The following N4BP2L2 variants were observed in gnomAD, a reference collection of about 807,000 sequenced individuals.
The protein encoded by N4BP2L2 is NEDD4-binding protein 2-like 2.
Under a neutral mutation model 56.2 loss-of-function variants are expected in N4BP2L2, and 50 were observed. The ratio of observed to expected loss-of-function variants is 0.89; its 90% CI spans 0.71 to 1.13. The LOEUF (loss-of-function observed/expected upper bound fraction) is 1.13. Among genes scored for constraint, N4BP2L2 ranks in the 50% most tolerant of loss-of-function variants. N4BP2L2 has a pLI of 0.00. For missense variants in N4BP2L2, 689 were observed against 693.8 expected (o/e 0.99, Z 0.08); for synonymous variants, 203 against 223.6 (o/e 0.91, Z 0.82).
intron 6 of N4BP2L2, among the ~76,000 whole-genome samples, chr13:32,502,921 C>T (rs2090266522): frequency 6.6e-6 from 1 of 152,018 alleles, no homozygotes; most frequent in Non-Finnish European, 1.5e-5. Flanking sequence ...ACCTGTAATC[C>T]AAACACTTTG....
chr13:32,451,698 A>ATGCCCAGC (rs2078050535), intron 6 of N4BP2L2, among the ~76,000 whole-genome samples: 1 of 149,288 alleles, frequency 6.7e-6, no homozygotes, highest in South Asian at 2.1e-4. Context: ...ATGTGCCACC[A>ATGCCCAGC]TGCCCAGCTG....
At chr13:32,510,701 G>C (rs778631314) in exon 6 of N4BP2L2, 1 of 151,980 alleles carries the variant, frequency 6.6e-6, no homozygotes, top group Admixed American at 6.6e-5. Flanking sequence ...GTTTCACCAC[G>C]TTGGCCAGGC....
At chr13:32,451,037 A>G (rs1456313340) in intron 6 of N4BP2L2, among the ~76,000 whole-genome samples, 2 of 152,070 alleles carry the variant, frequency 1.3e-5, no homozygotes, top group African/African-American at 4.8e-5. Flanking sequence ...ACTTAAAGGG[A>G]TATTTGCATA....
intron 6 of N4BP2L2, among the ~76,000 whole-genome samples, chr13:32,473,297 T>A (rs2082663288): frequency 6.6e-6 from 1 of 150,980 alleles, no homozygotes; most frequent in East Asian, 1.9e-4. Context: ...AAAAAAAAAA[T>A]TAAATATTTA....
intron 6 of N4BP2L2, among the ~76,000 whole-genome samples, chr13:32,456,077 C>T (rs2078936334): frequency 6.6e-6 from 1 of 152,214 alleles, no homozygotes; most frequent in Admixed American, 6.5e-5. Context: ...GAAGAATCAT[C>T]ATATTGGGAC....
intron 2 of N4BP2L2, among the ~76,000 whole-genome samples, chr13:32,533,770 A>C (rs2055704386): frequency 6.6e-6 from 1 of 152,098 alleles, no homozygotes. Context: ...CAATCAGCTC[A>C]ACTCTGATCT....
chr13:32,454,789 A>T (rs1449528146), intron 6 of N4BP2L2, among the ~76,000 whole-genome samples: 1 of 152,246 alleles, frequency 6.6e-6, no homozygotes. Flanking sequence ...CAAGTAGATA[A>T]TCACACTCTG....
At position 32,521,450 on chromosome 13, in the gene N4BP2L2, C is replaced by T. The variant is rs2050879401; in HGVS notation, c.1474-1G>A. On this transcript the variant is annotated splice_acceptor_variant, in intron 4 of 5. Coordinates refer to ENST00000267068, the Ensembl canonical transcript of N4BP2L2. LOFTEE classifies it high-confidence loss of function. Reference sequence around the variant, plus strand: ...CTACTCTGTATCCTTTTCCTATGGCCTACACAAAGGAAAGGAAGAAAACAA... The same window carrying T: ...CTACTCTGTATCCTTTTCCTATGGCTTACACAAAGGAAAGGAAGAAAACAA... 1 of 1,596,976 alleles carries T rather than the reference C, an allele frequency of 6.3e-7. No homozygotes were observed. Among genetic ancestry groups the T allele is most frequent in the Non-Finnish European group, 8.5e-7 (1 of 1,172,396 alleles).
rs925721047 is a variant in N4BP2L2 at position 32,447,430 on chromosome 13, G to A, written c.366-3304C>T. Among the ~76,000 whole-genome samples, 6 of 152,322 alleles carry A rather than the reference G, an allele frequency of 3.9e-5. No homozygotes were observed. In the East Asian group the frequency reaches 9.6e-4, roughly 24 times the overall value. On this transcript the variant is annotated intron_variant, in intron 6 of 9. Transcript: ENST00000357505. ...TTCACTCATGGGGTGGAGGCAGTGA[G>A]AAGGGATCACATTCTGGATACTGTT...
intron 7 of N4BP2L2, among the ~76,000 whole-genome samples, chr13:32,439,251 T>A (rs572222845): frequency 6.6e-6 from 1 of 152,266 alleles, no homozygotes; most frequent in Non-Finnish European, 1.5e-5. Flanking sequence ...TTATCATTTA[T>A]ATTTTCTATA....
chr13:32,469,483 G>A (rs1376394881), intron 6 of N4BP2L2, among the ~76,000 whole-genome samples: 1 of 152,184 alleles, frequency 6.6e-6, no homozygotes, highest in Non-Finnish European at 1.5e-5. Context: ...TGCAGCGCAG[G>A]GAGGAGGAAG....
intron 5 of N4BP2L2, among the ~76,000 whole-genome samples, chr13:32,518,479 T>C (rs936743744): frequency 5.9e-5 from 9 of 152,122 alleles, no homozygotes; most frequent in African/African-American, 2.2e-4. Flanking sequence ...CTTACAAACA[T>C]AATGTTGAGT....
chr13:32,478,091 C>T lies in N4BP2L2; in HGVS notation c.366-33965G>A, dbSNP rs183928597. ...AATATATTCAGGCCCAGCTTATACA[C>T]TGGAATGAAGATATGCATTATAAAG... On this transcript the variant is annotated intron_variant, in intron 6 of 9. Transcript: ENST00000357505. 7.8e-6 allele frequency: 10 copies of T among 1,277,116 alleles called. No individual in the cohort carries two copies. The East Asian group carries it at 5.6e-4, about 72-fold the overall frequency. 79.1% of individuals were successfully genotyped at this position (1,277,116 alleles called of 1,614,324 possible).
At chr13:32,510,986 AG>A (rs2048004395) in exon 6 of N4BP2L2, 1 of 152,008 alleles carries the variant, frequency 6.6e-6, no homozygotes. Context: ...AAAAAAAAAA[AG>A]ATAACTATGT....
At chr13:32,433,416 A>G (rs1159399904) in intron 9 of N4BP2L2, among the ~76,000 whole-genome samples, 1 of 151,486 alleles carries the variant, frequency 6.6e-6, no homozygotes, top group African/African-American at 2.4e-5. Flanking sequence ...AGATCACCTG[A>G]GGTCAGGAGT....
chr13:32,515,730 T>A (rs2049056209), exon 6 of N4BP2L2: 1 of 152,170 alleles, frequency 6.6e-6, no homozygotes, highest in Non-Finnish European at 1.5e-5. Context: ...TAAAAGTTAT[T>A]TTAAAAAAAC....
chr13:32,443,242 C>T (rs754231709), exon 7 of N4BP2L2: 31 of 1,613,794 alleles, frequency 1.9e-5, no homozygotes, highest in Non-Finnish European at 2.5e-5. Flanking sequence ...TGGATTGTTT[C>T]CTGGTTCTGA....
chr13:32,494,021 C>CCAG (rs1442700921), intron 6 of N4BP2L2, among the ~76,000 whole-genome samples: 3 of 152,094 alleles, frequency 2.0e-5, no homozygotes, highest in Non-Finnish European at 4.4e-5. Context: ...GCCTTTAATC[C>CCAG]CAGCACTTTG....
intron 6 of N4BP2L2, among the ~76,000 whole-genome samples, chr13:32,472,271 G>T (rs1386989944): frequency 1.3e-5 from 2 of 152,094 alleles, no homozygotes; most frequent in African/African-American, 4.8e-5. Context: ...TAAAAATATA[G>T]TCTAAAAAAA....
Sources: allele counts gnomAD v4.1 joint callset (sites outside exome capture counted in the v4.1 genomes callset), GRCh38; gene constraint gnomAD v4.1.1; transcripts MANE v1.5; gene names NCBI Gene and HGNC (gene_info 2026-07-23, HGNC 2026-07-21).